WNT9B: variants seen among roughly 807,000 people sequenced by gnomAD.
The protein encoded by WNT9B is Wnt family member 9B.
In WNT9B, 12 loss-of-function variants were observed where a neutral mutation model predicts 30.2. The ratio of observed to expected loss-of-function variants is 0.40; its 90% CI spans 0.26 to 0.64. WNT9B has a LOEUF of 0.64. Ranked by LOEUF, WNT9B falls within the 30% of genes least tolerant of loss-of-function variation. The probability of loss-of-function intolerance (pLI) is 0.42; values close to 1 mark genes in which losing one functional copy is unlikely to be tolerated. For missense variants in WNT9B, 442 were observed against 485.2 expected, an observed-to-expected ratio of 0.91 and a Z score of 0.84; for synonymous variants, 218 against 216.9, an observed-to-expected ratio of 1.01 and a Z score of -0.05.
At chr17:46,836,095 C>CGT (rs59862934) in intron 1 of WNT9B, among the ~76,000 whole-genome samples, 11,286 of 126,406 alleles carry the variant, frequency 0.089, 505 homozygotes, top group African/African-American at 0.12. Flanking sequence ...GAGACGCTGA[C>CGT]GTGTGTGTGT....
At chr17:46,885,049 C>T (rs1244740100), downstream of WNT9B, 3 of 442,956 alleles carry the variant, frequency 6.8e-6, no homozygotes, top group Admixed American at 5.0e-5. Flanking sequence ...AGTGCAGTGG[C>T]AAGATCTCAG....
upstream of WNT9B, among the ~76,000 whole-genome samples, chr17:46,850,669 T>C (rs1161986705): frequency 6.6e-6 from 1 of 152,230 alleles, no homozygotes; most frequent in African/African-American, 2.4e-5. Flanking sequence ...GTATGTCTCC[T>C]TTCTAGACAG....
At position 46,851,653 on chromosome 17, in the gene WNT9B, C is replaced by CGCGCTG; in HGVS notation, c.18_23dup (p.Leu9_Ala10dup). On this transcript the variant is annotated inframe_insertion, in exon 1 of 4. Transcript: ENST00000290015. The surrounding 1 kb of genome is among the most constrained non-coding windows in gnomAD (Gnocchi z 4.3). ...CCGCCAGCACCATGCGCCCCCCGCC[C>CGCGCTG]GCGCTGGCCCTGGCCGGGCTCTGCC... 7.8e-7 allele frequency: 1 copy of CGCGCTG among 1,284,382 alleles called. No individual in the cohort carries two copies. Among genetic ancestry groups the CGCGCTG allele is most frequent in the East Asian group, 3.2e-5 (1 of 31,126 alleles). 79.6% of individuals were successfully genotyped at this position (1,284,382 alleles called of 1,614,324 possible). A position where few individuals can be genotyped will look rare whatever the true frequency, so the allele number is the denominator to read the frequency against.
At chr17:46,866,375 T>C (rs1373836248) in intron 1 of WNT9B, among the ~76,000 whole-genome samples, 1 of 151,884 alleles carries the variant, frequency 6.6e-6, no homozygotes, top group Non-Finnish European at 1.5e-5. Flanking sequence ...AGTGTGTATG[T>C]GCGTGAGAAT....
At chr17:46,838,322 TA>T (rs111624803) in intron 1 of WNT9B, among the ~76,000 whole-genome samples, 12,716 of 137,980 alleles carry the variant, frequency 0.092, 1,056 homozygotes, top group African/African-American at 0.23. Context: ...GGGCCTGCCT[TA>T]AAAAAAAAAA....
At chr17:46,866,651 G>C (rs2085143979) in intron 1 of WNT9B, among the ~76,000 whole-genome samples, 1 of 152,072 alleles carries the variant, frequency 6.6e-6, no homozygotes, top group African/African-American at 2.4e-5. Context: ...GCAGCACAAG[G>C]CTTTCCCGGT....
chr17:46,860,837 C>T (rs1309087200), intron 1 of WNT9B, among the ~76,000 whole-genome samples: 1 of 152,132 alleles, frequency 6.6e-6, no homozygotes. Context: ...TGATATAATT[C>T]TCATTTATTT....
At chr17:46,850,680 G>A (rs555747563), upstream of WNT9B, among the ~76,000 whole-genome samples, 3 of 152,274 alleles carry the variant, frequency 2.0e-5, no homozygotes, top group East Asian at 5.8e-4. Context: ...TTCTAGACAG[G>A]TACCACGCGC....
At chr17:46,840,013 TTCTTTC>T (rs1170821610) in intron 1 of WNT9B, among the ~76,000 whole-genome samples, 1 of 96,030 alleles carries the variant, frequency 1.0e-5, no homozygotes, top group African/African-American at 4.4e-5. Context: ...CTTTCTTTCT[TTCTTTC>T]TTTCTTTCTT....
chr17:46,882,684 C>T (rs774304333), downstream of WNT9B, among the ~76,000 whole-genome samples: 6 of 152,190 alleles, frequency 3.9e-5, no homozygotes, highest in Non-Finnish European at 8.8e-5. Flanking sequence ...CTTGACTTCG[C>T]TCCATCTCTC....
intron 1 of WNT9B, among the ~76,000 whole-genome samples, chr17:46,870,212 G>A (rs73987089): frequency 0.013 from 2,049 of 152,278 alleles, 54 homozygotes; most frequent in African/African-American, 0.047. Context: ...CACAGGAATT[G>A]TGTGAGCAGA....
chr17:46,857,605 C>G (rs1443311), intron 1 of WNT9B, among the ~76,000 whole-genome samples: 28,453 of 151,734 alleles, frequency 0.19, 3,363 homozygotes, highest in East Asian at 0.51. Flanking sequence ...GGATAACTGT[C>G]TAGGAGTGGA....
chr17:46,850,008 C>T (rs8070457), upstream of WNT9B, among the ~76,000 whole-genome samples: 29,857 of 152,032 alleles, frequency 0.2, 3,598 homozygotes, highest in East Asian at 0.5. Context: ...CTGCCACACC[C>T]GGCTAATGTC....
intron 1 of WNT9B, among the ~76,000 whole-genome samples, chr17:46,864,795 G>A (rs1362160885): frequency 6.6e-6 from 1 of 152,062 alleles, no homozygotes; most frequent in African/African-American, 2.4e-5. Flanking sequence ...CGCCTTGGAC[G>A]ACCAATCTTG....
rs894713704 is a variant in WNT9B at position 46,874,916 on chromosome 17, TAAGGGGCAGTTGACAGGGAGACC to T, written c.335-184_335-162del. 6.8e-6 allele frequency: 6 copies of T among 883,374 alleles called. No individual in the cohort carries two copies. The African/African-American group carries it at 8.3e-5, about 12-fold the overall frequency. 54.7% of individuals were successfully genotyped at this position (883,374 alleles called of 1,614,324 possible). ...TAAATGGCAACTTGCAGTCAGAATT[TAAGGGGCAGTTGACAGGGAGACC>T]CACCCGGAGCTGTGTCCTCAAGCCA... On this transcript the variant is annotated intron_variant, in intron 2 of 3. Coordinates refer to ENST00000290015, the MANE Select transcript of WNT9B (RefSeq NM_003396.3).
chr17:46,870,904 C>CTTTT (rs144277402), intron 1 of WNT9B, among the ~76,000 whole-genome samples: 43 of 78,368 alleles, frequency 5.5e-4, no homozygotes, highest in East Asian at 2.7e-3. Context: ...TCCACCTTTG[C>CTTTT]TTTTTTTTTT....
intron 1 of WNT9B, among the ~76,000 whole-genome samples, chr17:46,862,593 G>A (rs2085059483): frequency 6.6e-6 from 1 of 151,982 alleles, no homozygotes; most frequent in Non-Finnish European, 1.5e-5. Flanking sequence ...GTTTTGTTTT[G>A]TTTTTTTGAG....
intron 1 of WNT9B, among the ~76,000 whole-genome samples, chr17:46,868,933 G>T (rs80084530): frequency 0.011 from 1,709 of 152,324 alleles, 38 homozygotes; most frequent in African/African-American, 0.039. Flanking sequence ...ATTCACTGTT[G>T]AGGAAAATAG....
chr17:46,875,463 C>T (rs2085329648), intron 3 of WNT9B, 97 bp downstream of exon 3: 1 of 1,422,164 alleles, frequency 7.0e-7, no homozygotes, highest in African/African-American at 1.4e-5. Context: ...CCCCAAAATA[C>T]ATGAAGAGCC....
Sources: gnomAD v4.1 joint callset for allele counts (sites outside exome capture counted in the v4.1 genomes callset) on GRCh38, gnomAD v4.1.1 for gene constraint, Gnocchi (gnomAD v3.1) non-coding constraint, MANE v1.5 for transcripts, NCBI Gene and HGNC (gene_info 2026-07-23, HGNC 2026-07-21) for gene names.